Variants in MAGI2 observed in about 807,000 individuals in gnomAD.
The protein encoded by MAGI2 is membrane-associated guanylate kinase, WW and PDZ domain-containing protein 2.
MAGI2 carries 35 observed loss-of-function variants against 133.3 expected under a neutral mutation model. The ratio of observed to expected loss-of-function variants is 0.26; its 90% CI spans 0.20 to 0.35. The LOEUF (loss-of-function observed/expected upper bound fraction) is 0.35, where lower values mean the gene tolerates loss of function less well. Among genes scored for constraint, MAGI2 ranks in the 10% least tolerant of loss-of-function variants. MAGI2 has a pLI of 1.00. For synonymous variants in MAGI2, 729 were observed against 710.6 expected, an observed-to-expected ratio of 1.03 and a Z score of -0.41; for missense variants, 1,636 against 1,863.4, an observed-to-expected ratio of 0.88 and a Z score of 2.25.
intron 1 of MAGI2, among the ~76,000 whole-genome samples, chr7:79,449,373 T>G (rs1396491573): frequency 6.8e-6 from 1 of 147,560 alleles, no homozygotes; most frequent in African/African-American, 2.5e-5. Flanking sequence ...TTTTTTGCCT[T>G]TTATTTCCCA....
At chr7:79,083,126 TAG>T in intron 1 of MAGI2, among the ~76,000 whole-genome samples, 1 of 151,658 alleles carries the variant, frequency 6.6e-6, no homozygotes, top group African/African-American at 2.4e-5. Flanking sequence ...AATCTGTTAA[TAG>T]AGAGAGATTT....
chr7:79,365,886 A>AAAAAAAAAAAAAC (rs1271786162), intron 1 of MAGI2, among the ~76,000 whole-genome samples: 1 of 150,634 alleles, frequency 6.6e-6, no homozygotes, highest in African/African-American at 2.4e-5. Context: ...AAAAAAAAAA[A>AAAAAAAAAAAAAC]AAAAGTAACA....
At chr7:79,240,020 CTTACTGATA>C (rs542053819) in intron 1 of MAGI2, among the ~76,000 whole-genome samples, 2 of 152,182 alleles carry the variant, frequency 1.3e-5, no homozygotes, top group Non-Finnish European at 2.9e-5. Flanking sequence ...TCAACATCCT[CTTACTGATA>C]TGTCCCACAG....
intron 2 of MAGI2, among the ~76,000 whole-genome samples, chr7:78,768,924 G>C (rs1278963952): frequency 6.6e-6 from 1 of 152,004 alleles, no homozygotes; most frequent in Non-Finnish European, 1.5e-5. Flanking sequence ...AACCGATTTC[G>C]CACACCCCCA....
At chr7:78,964,454 A>G (rs1412373507) in intron 2 of MAGI2, among the ~76,000 whole-genome samples, 1 of 152,046 alleles carries the variant, frequency 6.6e-6, no homozygotes, top group African/African-American at 2.4e-5. Flanking sequence ...TGGTGAACCA[A>G]TTAAGTTGCT....
At chr7:78,910,756 A>G (rs1798342497) in intron 2 of MAGI2, among the ~76,000 whole-genome samples, 1 of 152,338 alleles carries the variant, frequency 6.6e-6, no homozygotes, top group Admixed American at 6.5e-5. Flanking sequence ...TTCTAGAAAC[A>G]GCTAAACATA....
At chr7:79,045,996 T>A (rs539215933) in intron 1 of MAGI2, among the ~76,000 whole-genome samples, 1 of 152,336 alleles carries the variant, frequency 6.6e-6, no homozygotes, top group African/African-American at 2.4e-5. Context: ...ATAGCGTAAG[T>A]TGTAACTACT....
At chr7:79,422,655 ATT>A (rs750563428) in intron 1 of MAGI2, among the ~76,000 whole-genome samples, 5 of 151,538 alleles carry the variant, frequency 3.3e-5, no homozygotes, top group African/African-American at 1.2e-4. Flanking sequence ...TTTGTTTGGT[ATT>A]TTTTTTGTGG....
chr7:79,125,813 G>T, intron 1 of MAGI2: 1 of 507,562 alleles, frequency 2.0e-6, no homozygotes, highest in Admixed American at 2.0e-5. Context: ...GTGGCAGAAG[G>T]TTTTAATTCC....
At chr7:78,925,917 C>T (rs62467729) in intron 2 of MAGI2, among the ~76,000 whole-genome samples, 1 of 151,934 alleles carries the variant, frequency 6.6e-6, no homozygotes, top group Non-Finnish European at 1.5e-5. Flanking sequence ...TGTCCTAATA[C>T]CAAACATTTG....
intron 3 of MAGI2, among the ~76,000 whole-genome samples, chr7:78,535,876 C>T (rs78304488): frequency 0.034 from 5,036 of 147,702 alleles, 110 homozygotes; most frequent in Non-Finnish European, 0.051. Flanking sequence ...GTGTACACCC[C>T]CCCCGCCCAC....
intron 2 of MAGI2, among the ~76,000 whole-genome samples, chr7:78,719,491 A>G (rs1820047699): frequency 6.6e-6 from 1 of 152,238 alleles, no homozygotes; most frequent in Admixed American, 6.5e-5. Flanking sequence ...ATGTCTACTG[A>G]AAAAGGAGTG....
chr7:78,424,218 G>A (rs144741065), intron 6 of MAGI2, among the ~76,000 whole-genome samples: 1,780 of 152,268 alleles, frequency 0.012, 32 homozygotes, highest in African/African-American at 0.041. Flanking sequence ...AGGGGCCAAC[G>A]TACAGCTCAG....
chr7:78,480,110 T>C (rs1792199164), intron 6 of MAGI2, among the ~76,000 whole-genome samples: 1 of 151,848 alleles, frequency 6.6e-6, no homozygotes, highest in Non-Finnish European at 1.5e-5. Context: ...CCAATTCCTA[T>C]AAAACTATAA....
At chr7:78,334,783 C>G (rs944568496) in intron 9 of MAGI2, among the ~76,000 whole-genome samples, 1 of 152,160 alleles carries the variant, frequency 6.6e-6, no homozygotes, top group Non-Finnish European at 1.5e-5. Flanking sequence ...ACACATCTTT[C>G]TCTTTAACAA....
chr7:79,166,784 T>C (rs1824963283), intron 1 of MAGI2, among the ~76,000 whole-genome samples: 1 of 152,066 alleles, frequency 6.6e-6, no homozygotes, highest in Non-Finnish European at 1.5e-5. Context: ...AATTTTTTTT[T>C]CATAGCTCTA....
chr7:78,336,609 T>C (rs1478682170), intron 9 of MAGI2, among the ~76,000 whole-genome samples: 1 of 152,006 alleles, frequency 6.6e-6, no homozygotes, highest in Non-Finnish European at 1.5e-5. Context: ...CCTGTGGTTC[T>C]AGCTACTTGG....
At chr7:78,116,694 C>T (rs1819899313) in intron 20 of MAGI2, among the ~76,000 whole-genome samples, 5 of 151,838 alleles carry the variant, frequency 3.3e-5, no homozygotes, top group Admixed American at 2.6e-4. Flanking sequence ...GCCTAGGCAA[C>T]GTGGTGAGAG....
At chr7:78,038,591 C>A (rs558999427) in intron 21 of MAGI2, among the ~76,000 whole-genome samples, 1 of 152,156 alleles carries the variant, frequency 6.6e-6, no homozygotes. Context: ...CCCACCTAGA[C>A]CCACTGAATC....
Sources: gnomAD v4.1 joint callset for allele counts (sites outside exome capture counted in the v4.1 genomes callset) on GRCh38, gnomAD v4.1.1 for gene constraint, MANE v1.5 for transcripts, NCBI Gene and HGNC (gene_info 2026-07-23, HGNC 2026-07-21) for gene names.